The following ATL3 variants were observed in gnomAD, a reference collection of about 807,000 sequenced individuals.
ATL3 encodes atlastin-3.
Under a neutral mutation model 69.5 loss-of-function variants are expected in ATL3, and 49 were observed. That is an observed-to-expected ratio of 0.71 (90% CI 0.56 to 0.89). The LOEUF (loss-of-function observed/expected upper bound fraction) is 0.89. Ranked by LOEUF, ATL3 falls within the 40% of genes least tolerant of loss-of-function variation. The pLI, the probability that ATL3 is intolerant of heterozygous loss-of-function variation, is 0.00. For synonymous variants in ATL3, 214 were observed against 224.1 expected (o/e 0.95, Z 0.40); for missense variants, 606 against 645.7 (o/e 0.94, Z 0.67).
Position 63,625,001 on chromosome 11 carries a change from A to G in ATL3, c.*4318T>C, listed in dbSNP as rs564454093. 2 of 152,330 alleles carry G rather than the reference A, an allele frequency of 1.3e-5. No homozygotes were observed. Among genetic ancestry groups the G allele is most frequent in the Non-Finnish European group, 2.9e-5 (2 of 68,032 alleles). The allele number at this position is 152,330 out of a possible 1,614,324, so 9.4% of individuals were successfully genotyped here. A position where few individuals can be genotyped will look rare whatever the true frequency, so the allele number is the denominator to read the frequency against. ...GACCACAGCCCATACCACCTGAGGC[A>G]ATCCCTGGGTACAAAGCTAGGAATC... On this transcript the variant is annotated 3_prime_UTR_variant, in exon 13 of 13. Coordinates refer to ENST00000398868, the MANE Select transcript of ATL3 (RefSeq NM_015459.5).
Position 63,627,367 on chromosome 11 carries a change from C to T in ATL3, c.*1952G>A, listed in dbSNP as rs1939149666. The stretch of plus-strand genomic sequence containing the variant: ...CTGGAATTTTTCTAAAGTGTAACAG[C>T]AGTGAATAAAATAGCAAGAACTATT... On this transcript the variant is annotated 3_prime_UTR_variant, in exon 13 of 13. Transcript: ENST00000398868. 1 of 152,056 alleles carries T rather than the reference C, an allele frequency of 6.6e-6. No homozygotes were observed. The highest frequency in any genetic ancestry group is 1.5e-5 in the Non-Finnish European group (1 of 68,014). 9.4% of individuals were successfully genotyped at this position (152,056 alleles called of 1,614,324 possible). A position where few individuals can be genotyped will look rare whatever the true frequency, so the allele number is the denominator to read the frequency against.
At chr11:63,671,583 G>A, upstream of ATL3, 8 of 1,429,270 alleles carry the variant, frequency 5.6e-6, no homozygotes, top group Admixed American at 2.5e-5. Context: ...AAGCGCACGC[G>A]GCAGAATCCC....
At chr11:63,663,323 G>A (rs1405939026) in intron 1 of ATL3, among the ~76,000 whole-genome samples, 1 of 151,994 alleles carries the variant, frequency 6.6e-6, no homozygotes, top group Non-Finnish European at 1.5e-5. Flanking sequence ...GTCTCATTAT[G>A]TGGCCCACAT....
rs17158458 is a variant in ATL3 at position 63,638,078 on chromosome 11, C to T, written c.851-1744G>A. 8.7e-3 allele frequency among the ~76,000 whole-genome samples: 1,325 copies of T among 152,276 alleles called. 16 individuals are homozygous for T. The highest frequency in any genetic ancestry group is 0.03 in the African/African-American group (1,254 of 41,544). Reference sequence around the variant, plus strand: ...GAAAGATGGAGTGTTTCAAAAAATACCTCACACAAGTAGCAGCAGGATCCA... The same window carrying T: ...GAAAGATGGAGTGTTTCAAAAAATATCTCACACAAGTAGCAGCAGGATCCA... On this transcript the variant is annotated intron_variant, in intron 8 of 12. Transcript: ENST00000398868.
intron 1 of ATL3, among the ~76,000 whole-genome samples, chr11:63,671,022 AG>A (rs1419216174): frequency 6.6e-6 from 1 of 152,056 alleles, no homozygotes; most frequent in Non-Finnish European, 1.5e-5. Flanking sequence ...GAGCTGGAGG[AG>A]CCCCCGGCGG....
At chr11:63,647,731 A>G (rs915556450) in intron 5 of ATL3, among the ~76,000 whole-genome samples, 1 of 152,246 alleles carries the variant, frequency 6.6e-6, no homozygotes, top group African/African-American at 2.4e-5. Context: ...CTAAATCTTC[A>G]GGAAGCCTCA....
rs1939025304 is a variant in ATL3, at chr11:63,624,089, GTGT to G, written c.*5227_*5229del. ...AGAGAAAGAAAACACAGATAACATG[GTGT>G]TGTGATCTTTATTCCATTAAATGAT... On this transcript the variant is annotated 3_prime_UTR_variant, in exon 13 of 13. Coordinates refer to ENST00000398868, the MANE Select transcript of ATL3 (RefSeq NM_015459.5). The G allele has an allele frequency of 6.6e-6, 1 of 152,134 alleles. No homozygotes were observed. The highest frequency in any genetic ancestry group is 6.5e-5 in the Admixed American group (1 of 15,272). 9.4% of individuals were successfully genotyped at this position (152,134 alleles called of 1,614,324 possible). A position where few individuals can be genotyped will look rare whatever the true frequency, so the allele number is the denominator to read the frequency against.
intron 11 of ATL3, chr11:63,632,525 T>C: frequency 2.3e-6 from 2 of 865,682 alleles, no homozygotes; most frequent in Non-Finnish European, 4.0e-6. Flanking sequence ...TCAGATTTCT[T>C]TAAAAGCTAC....
At chr11:63,656,651 T>C (rs1940259324) in intron 3 of ATL3, among the ~76,000 whole-genome samples, 1 of 150,132 alleles carries the variant, frequency 6.7e-6, no homozygotes, top group Non-Finnish European at 1.5e-5. Flanking sequence ...GGAGAATTGC[T>C]TGAACCCGGG....
chr11:63,660,063 A>T (rs1422510768), intron 1 of ATL3, among the ~76,000 whole-genome samples: 3 of 144,128 alleles, frequency 2.1e-5, no homozygotes, highest in African/African-American at 5.2e-5. Context: ...AAATGTTGTT[A>T]AAAAAAAAAA....
intron 1 of ATL3, among the ~76,000 whole-genome samples, chr11:63,668,022 C>A (rs1002432520): frequency 6.6e-6 from 1 of 152,154 alleles, no homozygotes; most frequent in Non-Finnish European, 1.5e-5. Flanking sequence ...TTAAGAACCA[C>A]TGAGTAGAGT....
chr11:63,658,638 T>C (rs1940329484), intron 3 of ATL3, 123 bp downstream of exon 3: 3 of 1,152,308 alleles, frequency 2.6e-6, no homozygotes, highest in South Asian at 4.4e-5. Context: ...CTTTTTAACT[T>C]TTCTTACTTT....
chr11:63,629,517 A>C, intron 12 of ATL3, 112 bp from the exon 13 acceptor site: 1 of 907,662 alleles, frequency 1.1e-6, no homozygotes, highest in Admixed American at 2.2e-5. Context: ...TGTTACAGAA[A>C]GCAGTTGAAT....
Position 63,629,212 on chromosome 11 carries a change from A to T in ATL3, c.*107T>A. On this transcript the variant is annotated 3_prime_UTR_variant, in exon 13 of 13. Coordinates refer to ENST00000398868, the MANE Select transcript of ATL3 (RefSeq NM_015459.5). ...AGGGCCATGTTTTAGCTCTTCCTGG[A>T]TCGTCTCAGATCTGCCATTCCTCTG... The T allele has an allele frequency of 3.6e-6, 3 of 832,168 alleles. No individual in the cohort carries two copies. The highest frequency in any genetic ancestry group is 6.1e-6 in the Non-Finnish European group (3 of 495,410). 51.5% of individuals were successfully genotyped at this position (832,168 alleles called of 1,614,324 possible).
At position 63,658,846 on chromosome 11, in the gene ATL3, G is replaced by A. The variant is rs1266927619; in HGVS notation, c.320C>T (p.Ser107Phe). The stretch of plus-strand genomic sequence containing the variant: ...TTCTGGATCAGATCCCCCTCTCCAG[G>A]AAAATCCTGTTAACGGTTCTTCTGG... ...GDPEEPLTGF[S>F]WRGGSDPETT... Residue 107 changes from serine to phenylalanine, a missense_variant, in exon 3 of 13, where the codon TCC becomes TTC. Physicochemically the swap from Ser to Phe is radical, Grantham distance 155. Transcript: ENST00000398868. The A allele has an allele frequency of 6.2e-7, 1 of 1,612,532 alleles. No homozygotes were observed. The highest frequency in any genetic ancestry group is 1.1e-5 in the South Asian group (1 of 90,562).
intron 8 of ATL3, 42 bp downstream of exon 8, chr11:63,643,315 C>A: frequency 6.6e-7 from 1 of 1,522,898 alleles, no homozygotes; most frequent in Non-Finnish European, 8.8e-7. Flanking sequence ...TTTTTAATTC[C>A]AAAGATCGAA....
rs183470564 is a variant in ATL3 at position 63,658,504 on chromosome 11, T to C, written c.405+257A>G. On this transcript the variant is annotated intron_variant, in intron 3 of 12. Transcript: ENST00000398868. ...AAAAATGTTTTTCCAGAAAAGAAAA[T>C]TAAAATAATGCAATCAGCAGACCAA... 1.4e-3 allele frequency among the ~76,000 whole-genome samples: 212 copies of C among 152,126 alleles called. 1 individual carries two copies. Among genetic ancestry groups the C allele is most frequent in the African/African-American group, 5.1e-3 (210 of 41,512 alleles).
At chr11:63,635,946 C>A (rs1308004255) in intron 9 of ATL3, among the ~76,000 whole-genome samples, 1 of 148,682 alleles carries the variant, frequency 6.7e-6, no homozygotes, top group Non-Finnish European at 1.5e-5. Flanking sequence ...CTGTCCACAC[C>A]ATCTTCCTTG....
At position 63,659,221 on chromosome 11, in the gene ATL3, T is replaced by C; in HGVS notation, c.78A>G (p.Pro26=). Residue 26 remains proline, a synonymous_variant, in exon 2 of 13, where the codon CCA becomes CCG. Transcript: ENST00000398868. ...DDAMESSKPG[P]VQVVLVQKDQ... ...CTTTCTGAACCAAAACAACCTGCACTGGACCAGGCTTGCTGCTCTCCATGG... is the reference window on the plus strand; with the variant it reads ...CTTTCTGAACCAAAACAACCTGCACCGGACCAGGCTTGCTGCTCTCCATGG... The C allele has an allele frequency of 1.9e-6, 3 of 1,614,196 alleles. No homozygotes were observed. The highest frequency in any genetic ancestry group is 2.5e-6 in the Non-Finnish European group (3 of 1,180,026).
Sources: allele counts gnomAD v4.1 joint callset (sites outside exome capture counted in the v4.1 genomes callset), GRCh38; gene constraint gnomAD v4.1.1; transcripts MANE v1.5; gene names NCBI Gene and HGNC (gene_info 2026-07-23, HGNC 2026-07-21).